RAD50: variants seen among roughly 807,000 people sequenced by gnomAD.
RAD50 encodes the protein DNA repair protein RAD50.
RAD50 carries 132 observed loss-of-function variants against 168.8 expected under a neutral mutation model. That is an observed-to-expected ratio of 0.78 (90% CI 0.68 to 0.90). The LOEUF (loss-of-function observed/expected upper bound fraction) is 0.90. Ranked by LOEUF, RAD50 falls within the 40% of genes least tolerant of loss-of-function variation. The pLI is 0.00. For missense variants in RAD50, 1,347 were observed against 1,534.4 expected (o/e 0.88, Z 2.04); for synonymous variants, 525 against 497.4 (o/e 1.06, Z -0.74).
At chr5:132,576,694 A>C (rs1750406137) in intron 3 of RAD50, among the ~76,000 whole-genome samples, 2 of 152,142 alleles carry the variant, frequency 1.3e-5, no homozygotes, top group African/African-American at 2.4e-5. Context: ...CTTCTCCTTT[A>C]TAGCCAGTCT....
chr5:132,588,145 G>A (rs756248331), intron 7 of RAD50, 56 bp downstream of exon 7: 1 of 1,544,890 alleles, frequency 6.5e-7, no homozygotes, highest in Non-Finnish European at 8.9e-7. Flanking sequence ...TACATTTTCT[G>A]TATGAATGAA....
intron 3 of RAD50, among the ~76,000 whole-genome samples, chr5:132,577,301 T>C (rs779079336): frequency 7.2e-5 from 11 of 152,178 alleles, no homozygotes; most frequent in African/African-American, 1.2e-4. Context: ...TCTCTCACAT[T>C]AAAGGACCCA....
chr5:132,595,887 G>A (rs1750783464), intron 13 of RAD50, 77 bp downstream of exon 13: 5 of 1,344,158 alleles, frequency 3.7e-6, no homozygotes, highest in East Asian at 2.3e-5. Flanking sequence ...TGGGCAGATG[G>A]TAGTTACTCA....
chr5:132,558,815 C>T (rs958593552), intron 1 of RAD50, among the ~76,000 whole-genome samples: 1 of 150,258 alleles, frequency 6.7e-6, no homozygotes, highest in African/African-American at 2.4e-5. Flanking sequence ...TGGGGGATTG[C>T]TTGAGCCCAG....
chr5:132,629,600 A>C (rs1255135558), intron 21 of RAD50, among the ~76,000 whole-genome samples: 1 of 152,192 alleles, frequency 6.6e-6, no homozygotes, highest in Admixed American at 6.5e-5. Context: ...TTTGTGGCTT[A>C]TGCTCGCAAA....
intron 13 of RAD50, chr5:132,600,240 C>T (rs1180251672): frequency 6.6e-6 from 1 of 152,062 alleles, no homozygotes; most frequent in Non-Finnish European, 1.5e-5. Flanking sequence ...TATAATATGC[C>T]AGGGGATGAT....
intron 5 of RAD50, among the ~76,000 whole-genome samples, chr5:132,580,649 A>T (rs1047431052): frequency 6.6e-6 from 1 of 152,158 alleles, no homozygotes; most frequent in African/African-American, 2.4e-5. Context: ...TATATTTGCA[A>T]ATGAGTATAC....
At chr5:132,642,068 C>T (rs2149866712) in intron 24 of RAD50, 110 bp from the exon 25 acceptor site, 2 of 1,193,300 alleles carry the variant, frequency 1.7e-6, no homozygotes, top group East Asian at 2.4e-5. Flanking sequence ...TAGCTGGGGC[C>T]CTGACACACA....
intron 2 of RAD50, among the ~76,000 whole-genome samples, chr5:132,570,925 T>C (rs939338032): frequency 4.6e-5 from 7 of 152,220 alleles, no homozygotes; most frequent in African/African-American, 1.7e-4. Context: ...GATGTTTGAC[T>C]CTTCTTTCGC....
chr5:132,606,811 C>T (rs1391434501), intron 16 of RAD50, among the ~76,000 whole-genome samples: 5 of 152,114 alleles, frequency 3.3e-5, no homozygotes, highest in African/African-American at 1.2e-4. Flanking sequence ...AAGGCTGGTT[C>T]AACATATGCA....
chr5:132,604,142 A>C, intron 15 of RAD50, 96 bp downstream of exon 15: 2 of 1,465,550 alleles, frequency 1.4e-6, no homozygotes, highest in East Asian at 2.3e-5. Context: ...ATGGACAACG[A>C]AGTTCCTTCC....
intron 5 of RAD50, among the ~76,000 whole-genome samples, chr5:132,580,794 T>C (rs1347357216): frequency 6.6e-6 from 1 of 152,192 alleles, no homozygotes; most frequent in Non-Finnish European, 1.5e-5. Context: ...ACTGCACCCC[T>C]GTCCTTAAGG....
At chr5:132,584,446 C>T (rs1246673001) in intron 5 of RAD50, among the ~76,000 whole-genome samples, 1 of 152,044 alleles carries the variant, frequency 6.6e-6, no homozygotes, top group Non-Finnish European at 1.5e-5. Flanking sequence ...AAATGTTCTC[C>T]CATTCTGTAG....
chr5:132,633,187 C>T (rs1751508997), intron 21 of RAD50, among the ~76,000 whole-genome samples: 1 of 150,728 alleles, frequency 6.6e-6, no homozygotes, highest in Non-Finnish European at 1.5e-5. Context: ...TTCCTTCCGC[C>T]TCCATCTCCC....
At chr5:132,620,625 C>T (rs1279277669) in intron 21 of RAD50, among the ~76,000 whole-genome samples, 2 of 151,860 alleles carry the variant, frequency 1.3e-5, no homozygotes, top group East Asian at 3.9e-4. Context: ...TTTTTCTTGA[C>T]TCCTCCTTTT....
intron 21 of RAD50, among the ~76,000 whole-genome samples, chr5:132,627,743 G>C (rs1192403876): frequency 1.3e-5 from 2 of 152,202 alleles, no homozygotes; most frequent in African/African-American, 2.4e-5. Context: ...GTTTGAAGCA[G>C]GGAAGTAATA....
At chr5:132,595,844 G>A (rs1417072490) in intron 13 of RAD50, 34 bp downstream of exon 13, 4 of 1,541,732 alleles carry the variant, frequency 2.6e-6, no homozygotes, top group African/African-American at 2.7e-5. Context: ...TGTACATGTA[G>A]CAGCACATTG....
Position 132,557,360 on chromosome 5 carries a change from G to T in RAD50, c.36G>T (p.Val12=). 6.2e-7 allele frequency: 1 copy of T among 1,614,168 alleles called. No individual in the cohort carries two copies. The highest frequency in any genetic ancestry group is 8.5e-7 in the Non-Finnish European group (1 of 1,179,962). ...TCGAAAAGATGAGCATTCTGGGCGT[G>T]CGGAGTTTTGGAATAGAGGACAAAG... ...SRIEKMSILG[V]RSFGIEDKDK... The change falls in exon 1 of 25, where the codon GTG becomes GTT. Residue 12 remains valine, a synonymous_variant. Coordinates refer to ENST00000378823, the MANE Select transcript of RAD50 (RefSeq NM_005732.4).
At chr5:132,566,943 A>G (rs1750219933) in intron 2 of RAD50, among the ~76,000 whole-genome samples, 1 of 152,144 alleles carries the variant, frequency 6.6e-6, no homozygotes, top group Admixed American at 6.5e-5. Flanking sequence ...GATAGGTTAG[A>G]TGCTCCTGCT....
Sources: gnomAD v4.1 joint callset for allele counts (sites outside exome capture counted in the v4.1 genomes callset) on GRCh38, gnomAD v4.1.1 for gene constraint, MANE v1.5 for transcripts, NCBI Gene and HGNC (gene_info 2026-07-23, HGNC 2026-07-21) for gene names.